GPHN: variants seen among roughly 807,000 people sequenced by gnomAD.
The protein encoded by GPHN is gephyrin.
Under a neutral mutation model 95.5 loss-of-function variants are expected in GPHN, and 17 were observed. The ratio of observed to expected loss-of-function variants is 0.18; its 90% CI spans 0.12 to 0.27. The LOEUF (loss-of-function observed/expected upper bound fraction) is 0.27, where lower values mean the gene tolerates loss of function less well. Among genes scored for constraint, GPHN ranks in the 10% least tolerant of loss-of-function variants. GPHN has a pLI of 1.00. For missense variants in GPHN, 660 were observed against 978.1 expected (o/e 0.67, Z 4.34); for synonymous variants, 320 against 322.5 (o/e 0.99, Z 0.08).
the GPHN span, among the ~76,000 whole-genome samples, chr14:67,565,962 A>C: frequency 6.6e-6 from 1 of 152,128 alleles, no homozygotes; most frequent in East Asian, 1.9e-4. Context: ...TCTACTAAAA[A>C]TACAAAAATT....
intron 1 of GPHN, among the ~76,000 whole-genome samples, chr14:66,613,977 T>C (rs943210304): frequency 1.3e-5 from 2 of 152,176 alleles, no homozygotes; most frequent in Admixed American, 1.3e-4. Flanking sequence ...GCTGTAGTTA[T>C]GTGTTTATGT....
At chr14:67,620,986 G>T in the GPHN span, 1 of 1,611,052 alleles carries the variant, frequency 6.2e-7, no homozygotes, top group African/African-American at 1.3e-5. Flanking sequence ...TAGATTTTTA[G>T]ATATTAGTGC....
the GPHN span, among the ~76,000 whole-genome samples, chr14:67,501,659 A>G: frequency 6.6e-6 from 1 of 152,218 alleles, no homozygotes; most frequent in East Asian, 1.9e-4. Context: ...GTTATGTTTG[A>G]AGAGCCCAAA....
chr14:67,586,954 G>T, the GPHN span: 4 of 1,542,788 alleles, frequency 2.6e-6, no homozygotes, highest in Non-Finnish European at 2.6e-6. Flanking sequence ...TCCCAGGTGG[G>T]TATTTTAAGA....
chr14:66,833,453 G>C (rs553420707), intron 4 of GPHN, among the ~76,000 whole-genome samples: 1 of 152,080 alleles, frequency 6.6e-6, no homozygotes, highest in South Asian at 2.1e-4. Context: ...GATTTGGGTG[G>C]GACACAGCCA....
the GPHN span, chr14:67,390,809 T>C: frequency 1.7e-6 from 2 of 1,153,060 alleles, no homozygotes; most frequent in African/African-American, 3.0e-5. Context: ...CTCCTGTATC[T>C]ATGCATGTAA....
intron 5 of GPHN, among the ~76,000 whole-genome samples, chr14:66,895,724 A>G (rs115975666): frequency 0.012 from 1,888 of 152,286 alleles, 24 homozygotes; most frequent in African/African-American, 0.042. Flanking sequence ...AGAAATGGGA[A>G]CATTTTATCA....
At chr14:66,907,842 G>C (rs1365686401) in intron 5 of GPHN, among the ~76,000 whole-genome samples, 2 of 151,946 alleles carry the variant, frequency 1.3e-5, no homozygotes, top group African/African-American at 4.8e-5. Flanking sequence ...TAAATGGATG[G>C]CAGGTAGTGA....
At chr14:66,936,997 G>A (rs1034613627) in intron 8 of GPHN, among the ~76,000 whole-genome samples, 3 of 152,150 alleles carry the variant, frequency 2.0e-5, no homozygotes, top group Non-Finnish European at 4.4e-5. Flanking sequence ...AGTAATCTTA[G>A]TAATCGTGAA....
At chr14:66,731,331 A>G (rs186690191) in intron 2 of GPHN, among the ~76,000 whole-genome samples, 1 of 152,206 alleles carries the variant, frequency 6.6e-6, no homozygotes, top group Non-Finnish European at 1.5e-5. Flanking sequence ...TCAAAAGAAG[A>G]CAGGAAAATG....
At chr14:66,687,485 G>GTTTTTTTTTTTTTTTTTTTTTTTTTTTTT (rs1468240848) in intron 2 of GPHN, among the ~76,000 whole-genome samples, 1 of 143,750 alleles carries the variant, frequency 7.0e-6, no homozygotes. Context: ...TATTTTATTT[G>GTTTTTTTTTTTTTTTTTTTTTTTTTTTTT]GTTTTTTTTT....
the GPHN span, among the ~76,000 whole-genome samples, chr14:67,416,218 G>T: frequency 1.3e-5 from 2 of 152,172 alleles, no homozygotes; most frequent in African/African-American, 4.8e-5. Context: ...TGAGTAGAAA[G>T]CTTTGCTGAT....
the GPHN span, among the ~76,000 whole-genome samples, chr14:67,596,361 G>A: frequency 1.3e-4 from 18 of 135,910 alleles, no homozygotes; most frequent in African/African-American, 4.6e-4. Context: ...GGCTGGTCTC[G>A]AACTCCTGAC....
chr14:67,684,856 A>G, the GPHN span: 1 of 519,192 alleles, frequency 1.9e-6, no homozygotes, highest in Non-Finnish European at 3.4e-6. Context: ...GTTATTACAA[A>G]AGAGAGTCAA....
At chr14:66,675,937 C>G (rs1254837089) in intron 1 of GPHN, among the ~76,000 whole-genome samples, 1 of 151,922 alleles carries the variant, frequency 6.6e-6, no homozygotes, top group Non-Finnish European at 1.5e-5. Flanking sequence ...ATAAAAACAT[C>G]ACTGATTCTT....
intron 11 of GPHN, among the ~76,000 whole-genome samples, chr14:67,087,335 A>G (rs1016773172): frequency 1.3e-5 from 2 of 152,184 alleles, no homozygotes; most frequent in African/African-American, 4.8e-5. Context: ...CTACTTCCAG[A>G]TAAGGAACCA....
chr14:67,671,054 G>C, the GPHN span, among the ~76,000 whole-genome samples: 1 of 152,236 alleles, frequency 6.6e-6, no homozygotes. Context: ...AGAGGATTCA[G>C]AGATGAGGCA....
chr14:67,292,426 T>C, the GPHN span: 1 of 894,550 alleles, frequency 1.1e-6, no homozygotes, highest in Non-Finnish European at 1.7e-6. Context: ...AAATTGTTAC[T>C]GGTTCAAAGA....
At chr14:67,478,257 G>A in the GPHN span, among the ~76,000 whole-genome samples, 1 of 152,200 alleles carries the variant, frequency 6.6e-6, no homozygotes, top group African/African-American at 2.4e-5. Flanking sequence ...AGCTGTACAA[G>A]TGTGGTTCAA....
Sources: gnomAD v4.1 joint callset for allele counts (sites outside exome capture counted in the v4.1 genomes callset) on GRCh38, gnomAD v4.1.1 for gene constraint, MANE v1.5 for transcripts, NCBI Gene and HGNC (gene_info 2026-07-23, HGNC 2026-07-21) for gene names.